Variants in ENTPD2 observed in about 807,000 individuals in gnomAD.
ENTPD2 encodes the protein ectonucleoside triphosphate diphosphohydrolase 2.
ENTPD2 carries 48 observed loss-of-function variants against 46.8 expected under a neutral mutation model. The ratio of observed to expected loss-of-function variants is 1.03; its 90% confidence interval spans 0.81 to 1.30. ENTPD2 has a LOEUF of 1.30. Among genes scored for constraint, ENTPD2 ranks in the 50% most tolerant of loss-of-function variants. The pLI is 0.00. For synonymous variants in ENTPD2, 316 were observed against 286.1 expected, an observed-to-expected ratio of 1.10 and a Z score of -1.06; for missense variants, 707 against 651.1, an observed-to-expected ratio of 1.09 and a Z score of -0.93.
chr9:137,051,048 T>C lies in ENTPD2; in HGVS notation c.628A>G (p.Thr210Ala). The change falls in exon 5 of 9, where the codon ACT (threonine) becomes GCT (alanine). Residue 210 changes from threonine (T) to alanine (A), a missense_variant. Coordinates refer to ENST00000355097, the MANE Select transcript of ENTPD2 (RefSeq NM_203468.3). Reference sequence around the variant, plus strand: ...TCAGCTGGACTGGTTGTCTCAAAAGTGATCTGGGTAGAGGCACCCCCCAGG... The same window carrying C: ...TCAGCTGGACTGGTTGTCTCAAAAGCGATCTGGGTAGAGGCACCCCCCAGG... ...MDLGGASTQI[T>A]FETTSPAEDR... 1 of 1,612,892 alleles carries C rather than the reference T, an allele frequency of 6.2e-7. No homozygotes were observed. The highest frequency in any genetic ancestry group is 1.6e-4 in the Middle Eastern group (1 of 6,062).
intron 2 of ENTPD2, 65 bp downstream of exon 2, chr9:137,052,166 G>T: frequency 6.9e-7 from 1 of 1,449,440 alleles, no homozygotes; most frequent in South Asian, 1.2e-5. Context: ...ACTGGCTAAG[G>T]CTGGAGAGGG....
At position 137,051,661 on chromosome 9, in the gene ENTPD2, C is replaced by A. The variant is rs373702432; in HGVS notation, c.236-1G>T. 1 of 1,607,976 alleles carries A rather than the reference C, an allele frequency of 6.2e-7. No individual in the cohort carries two copies. The highest frequency in any genetic ancestry group is 8.5e-7 in the Non-Finnish European group (1 of 1,177,600). On this transcript the variant is annotated splice_acceptor_variant, in intron 2 of 8. Transcript: ENST00000355097. LOFTEE classifies it high-confidence loss of function. ...TCTGCATAGCTGGAGATGCCCCCAC[C>A]TAGAGGGAGGCAGAGAGATGAGCCT...
In ENTPD2 at chr9:137,049,236, G is replaced by C. The variant is rs900723236; in HGVS notation, c.1150-161C>G. 4 of 1,228,768 alleles carry C rather than the reference G, an allele frequency of 3.3e-6. No homozygotes were observed. The Admixed American group carries it at 7.9e-5, about 24-fold the overall frequency. The allele number at this position is 1,228,768 out of a possible 1,614,324, so 76.1% of individuals were successfully genotyped here. A position where few individuals can be genotyped will look rare whatever the true frequency, so the allele number is the denominator to read the frequency against. On this transcript the variant is annotated intron_variant, in intron 7 of 8. Transcript: ENST00000355097. ...GCCCGGACACGAATGGCAAGACCGA[G>C]TCCGAGGGGCACCCCCGGCAGGGCA... is the stretch of plus-strand genomic sequence containing the variant.
At chr9:137,051,182 CT>C in intron 4 of ENTPD2, 28 bp downstream of exon 4, 13 of 1,611,980 alleles carry the variant, frequency 8.1e-6, no homozygotes, top group Admixed American at 3.3e-5. Flanking sequence ...CCCACGCCCC[CT>C]GGCTCTTTGG....
Position 137,051,182 on chromosome 9 carries a change from C to T in ENTPD2, c.546+29G>A, listed in dbSNP as rs377578336. ...CAGGGGCCGAGGGCGCCCACGCCCC[C>T]TGGCTCTTTGGCTGGCTGCTGGGCC... is the stretch of plus-strand genomic sequence containing the variant. On this transcript the variant is annotated intron_variant, in intron 4 of 8. Coordinates refer to ENST00000355097, the MANE Select transcript of ENTPD2 (RefSeq NM_203468.3). 4.3e-6 allele frequency: 7 copies of T among 1,611,864 alleles called. No homozygotes were observed. The East Asian group carries it at 8.9e-5, about 21-fold the overall frequency.
chr9:137,052,132 C>T, intron 2 of ENTPD2, 99 bp downstream of exon 2: 7 of 1,092,322 alleles, frequency 6.4e-6, no homozygotes, highest in Non-Finnish European at 9.4e-6. Flanking sequence ...TGAGCCCCAC[C>T]CAACACTAAG....
Position 137,053,901 on chromosome 9 carries a change from G to A in ENTPD2, c.97C>T (p.Arg33Trp), listed in dbSNP as rs1049495308. The A allele has an allele frequency of 8.2e-7, 1 of 1,225,190 alleles. No homozygotes were observed. The highest frequency in any genetic ancestry group is 1.6e-5 in the African/African-American group (1 of 64,028). 75.9% of individuals were successfully genotyped at this position (1,225,190 alleles called of 1,614,324 possible). A position where few individuals can be genotyped will look rare whatever the true frequency, so the allele number is the denominator to read the frequency against. Residue 33 changes from arginine (R) to tryptophan (W), a missense_variant, in exon 1 of 9, where the codon CGG becomes TGG. By Grantham distance (101) the Arg-to-Trp change is moderately radical. Transcript: ENST00000355097. ...LLLCVPTRDV[R>W]EPPALKYGIV... ...CGCACCTTGAGGGCGGGCGGCTCCC[G>A]GACGTCGCGGGTGGGGACGCACAGC...
At position 137,048,560 on chromosome 9, in the gene ENTPD2, AC is replaced by A. The variant is rs1832185161; in HGVS notation, c.*96del. On this transcript the variant is annotated 3_prime_UTR_variant, in exon 9 of 9. Transcript: ENST00000355097. ...GAGGGGTGGGTGGAGGGGTGGGGATACAGGGGTGGGAGGTACAGGGGTTGTG... is the reference window on the plus strand; with the variant it reads ...GAGGGGTGGGTGGAGGGGTGGGGATAAGGGGTGGGAGGTACAGGGGTTGTG... 2.3e-6 allele frequency: 2 copies of A among 874,016 alleles called. No individual in the cohort carries two copies. Among genetic ancestry groups the A allele is most frequent in the Non-Finnish European group, 1.6e-6 (1 of 632,996 alleles). The allele number at this position is 874,016 out of a possible 1,614,324, so 54.1% of individuals were successfully genotyped here. A position where few individuals can be genotyped will look rare whatever the true frequency, so the allele number is the denominator to read the frequency against.
Position 137,054,007 on chromosome 9 carries a change from G to GGCGC in ENTPD2, c.-14_-11dup. ...GCACCTTCCCGGCCATGGGCGGGCG[G>GGCGC]GCGCGCGGGAGGACGATGCGTGGAC... On this transcript the variant is annotated 5_prime_UTR_variant, in exon 1 of 9. Transcript: ENST00000355097. 1 of 1,209,310 alleles carries GGCGC rather than the reference G, an allele frequency of 8.3e-7. No individual in the cohort carries two copies. Among genetic ancestry groups the GGCGC allele is most frequent in the Non-Finnish European group, 1.0e-6 (1 of 972,742 alleles). 74.9% of individuals were successfully genotyped at this position (1,209,310 alleles called of 1,614,324 possible). A position where few individuals can be genotyped will look rare whatever the true frequency, so the allele number is the denominator to read the frequency against.
rs533923881 is a variant in ENTPD2 at position 137,049,770 on chromosome 9, G to A, written c.1149+100C>T. On this transcript the variant is annotated intron_variant, in intron 7 of 8. Coordinates refer to ENST00000355097, the MANE Select transcript of ENTPD2 (RefSeq NM_203468.3). The stretch of plus-strand genomic sequence containing the variant: ...TGCCTGCCATCGCCCCCACTGCAGC[G>A]GGTGCTCCGAGAGGCCTGTCCATGC... The A allele has an allele frequency of 8.2e-5, 111 of 1,347,248 alleles. No homozygotes were observed. In the African/African-American group the frequency reaches 1.3e-3, roughly 16 times the overall value. 83.5% of individuals were successfully genotyped at this position (1,347,248 alleles called of 1,614,324 possible).
chr9:137,050,334 G>A lies in ENTPD2; in HGVS notation c.979C>T (p.Arg327Ter), dbSNP rs752594156. Residue 327 changes from arginine to a stop codon, truncating the protein, a stop_gained, in exon 6 of 9, where the codon CGA (arginine) becomes TGA (stop). Transcript: ENST00000355097. LOFTEE classifies it high-confidence loss of function. ...LFSFSSCPFS[R>*]CSFNGVFQPP... ...TGGAAGACCCCATTGAAAGAGCATC[G>A]GGAGAAGGGGCAGGAGGAGAAGCTG... The A allele has an allele frequency of 7.4e-6, 12 of 1,612,168 alleles. No homozygotes were observed. Among genetic ancestry groups the A allele is most frequent in the African/African-American group, 2.7e-5 (2 of 74,682 alleles).
intron 5 of ENTPD2, 146 bp downstream of exon 5, chr9:137,050,756 G>A: frequency 7.9e-7 from 1 of 1,258,540 alleles, no homozygotes; most frequent in East Asian, 2.5e-5. Flanking sequence ...CCAGCCACTG[G>A]GCCTTTGCTC....
chr9:137,051,799 A>G, intron 2 of ENTPD2, 139 bp from the exon 3 acceptor site: 2 of 1,331,096 alleles, frequency 1.5e-6, no homozygotes, highest in Admixed American at 3.0e-5. Context: ...GCCCCCAGAA[A>G]CGCCCAGGTT....
rs371696849 is a variant in ENTPD2, at chr9:137,050,018, G to A, written c.1030-29C>T. 161 of 1,598,850 alleles carry A rather than the reference G, an allele frequency of 1.0e-4. 2 individuals carry two copies. In the African/African-American group the frequency reaches 1.8e-3, roughly 18 times the overall value. ...TAGGGGGCGCAGTCACACTGTGACC[G>A]AACCCCAGCGGCTCAGAGCACCTGC... On this transcript the variant is annotated intron_variant, in intron 6 of 8. Coordinates refer to ENST00000355097, the MANE Select transcript of ENTPD2 (RefSeq NM_203468.3).
chr9:137,050,323 G>A lies in ENTPD2; in HGVS notation c.990C>T (p.Phe330=). The change falls in exon 6 of 9, where the codon TTC becomes TTT. Residue 330 remains phenylalanine, a synonymous_variant. Coordinates refer to ENST00000355097, the MANE Select transcript of ENTPD2 (RefSeq NM_203468.3). ...FSSCPFSRCS[F]NGVFQPPVAG... ...CCACTGGGGGCTGGAAGACCCCATT[G>A]AAAGAGCATCGGGAGAAGGGGCAGG... is the stretch of plus-strand genomic sequence containing the variant. 6.2e-7 allele frequency: 1 copy of A among 1,611,706 alleles called. No individual in the cohort carries two copies. The highest frequency in any genetic ancestry group is 1.1e-5 in the South Asian group (1 of 90,944).
intron 7 of ENTPD2, 189 bp from the exon 8 acceptor site, chr9:137,049,264 C>T (rs1336918279): frequency 1.0e-6 from 1 of 969,486 alleles, no homozygotes; most frequent in South Asian, 1.4e-5. Context: ...GCAGGGCACG[C>T]TTCCATCCCT....
chr9:137,048,963 C>T lies in ENTPD2; in HGVS notation c.1262G>A (p.Gly421Asp). 1 of 1,533,764 alleles carries T rather than the reference C, an allele frequency of 6.5e-7. No individual in the cohort carries two copies. Among genetic ancestry groups the T allele is most frequent in the Non-Finnish European group, 8.7e-7 (1 of 1,143,462 alleles). Residue 421 changes from glycine (G) to aspartate (D), a missense_variant, in exon 8 of 9, where the codon GGC becomes GAC. By Grantham distance (94) the Gly-to-Asp change is moderately conservative. Transcript: ENST00000355097. The stretch of plus-strand genomic sequence containing the variant: ...CACCTTCTTCTGGAAGATCACGCCG[C>T]CGAAGGCGCGCTCGTCGAAGCCGTA... ...RGYGFDERAFGGVIFQKKAAD... is the reference protein window; with the variant it reads ...RGYGFDERAFDGVIFQKKAAD...
In ENTPD2 at chr9:137,052,207, T is replaced by G. The variant is rs774744917; in HGVS notation, c.235+24A>C. On this transcript the variant is annotated intron_variant, in intron 2 of 8. Transcript: ENST00000355097. ...GAGACCCTGCAGTGAGTGGGCGTCC[T>G]GGCTGGGCTGGGCTGGGCCTCACCT... The G allele has an allele frequency of 4.4e-6, 7 of 1,606,820 alleles. No individual in the cohort carries two copies. The South Asian group carries it at 6.6e-5, about 15-fold the overall frequency.
Position 137,048,922 on chromosome 9 carries a change from C to T in ENTPD2, c.1284+19G>A. The T allele has an allele frequency of 6.7e-7, 1 of 1,501,706 alleles. No individual in the cohort carries two copies. Among genetic ancestry groups the T allele is most frequent in the Non-Finnish European group, 8.9e-7 (1 of 1,127,506 alleles). The allele number at this position is 1,501,706 out of a possible 1,614,324, so 93.0% of individuals were successfully genotyped here. On this transcript the variant is annotated intron_variant, in intron 8 of 8. Coordinates refer to ENST00000355097, the MANE Select transcript of ENTPD2 (RefSeq NM_203468.3). Reference sequence around the variant, plus strand: ...CCCGCCCCGCAAGGTCGGCCCCGCCCCGCCCCGCCCCAGCCCACCTTCTTC... The same window carrying T: ...CCCGCCCCGCAAGGTCGGCCCCGCCTCGCCCCGCCCCAGCCCACCTTCTTC...
Sources: gnomAD v4.1 joint callset for allele counts on GRCh38, gnomAD v4.1.1 for gene constraint, MANE v1.5 for transcripts, NCBI Gene and HGNC (gene_info 2026-07-23, HGNC 2026-07-21) for gene names.